The following RNF150 variants were observed in gnomAD, a reference collection of about 807,000 sequenced individuals.
RNF150 encodes ring finger protein 150.
In RNF150, 24 loss-of-function variants were observed where a neutral mutation model predicts 39.3. The observed-to-expected ratio is 0.61, with a 90% CI of 0.44 to 0.86. RNF150 has a LOEUF of 0.86. Among genes scored for constraint, RNF150 ranks in the 40% least tolerant of loss-of-function variants. RNF150 has a pLI of 0.00. For synonymous variants in RNF150, 255 were observed against 227.3 expected, an observed-to-expected ratio of 1.12 and a Z score of -1.10; for missense variants, 502 against 587.8, an observed-to-expected ratio of 0.85 and a Z score of 1.51.
In RNF150 at chr4:141,010,266, T is replaced by G. The variant is rs62326021; in HGVS notation, c.485-42393A>C. The stretch of plus-strand genomic sequence containing the variant: ...AAGCTGTAGTTGCCTTAGGGGATAT[T>G]AAGATCCTTACATTTTTTAACACAG... On this transcript the variant is annotated intron_variant, in intron 1 of 6. Transcript: ENST00000515673. 5.9e-3 allele frequency among the ~76,000 whole-genome samples: 900 copies of G among 152,346 alleles called. 8 individuals are homozygous for G. Among genetic ancestry groups the G allele is most frequent in the Middle Eastern group, 0.01 (3 of 294 alleles).
Position 140,916,511 on chromosome 4 carries a change from G to T in RNF150, c.988-5157C>A, listed in dbSNP as rs572017913. On this transcript the variant is annotated intron_variant, in intron 5 of 6. Transcript: ENST00000515673. ...GTTTAGAGAAAAAATAAAAAGAAAT[G>T]AACAAAGCCTCCAAGAAATATGGGA... Among the ~76,000 whole-genome samples the T allele has an allele frequency of 1.1e-4, 16 of 152,288 alleles. No homozygotes were observed. The East Asian group carries it at 2.3e-3, about 22-fold the overall frequency.
intron 1 of RNF150, among the ~76,000 whole-genome samples, chr4:140,975,076 C>T (rs1259170557): frequency 2.0e-5 from 3 of 151,886 alleles, no homozygotes; most frequent in Non-Finnish European, 2.9e-5. Context: ...GACAACACGG[C>T]GAAACCCTGC....
At chr4:140,899,943 T>TC (rs1297403198) in intron 6 of RNF150, among the ~76,000 whole-genome samples, 61 of 77,784 alleles carry the variant, frequency 7.8e-4, no homozygotes, top group East Asian at 5.5e-3. Flanking sequence ...TCTCTCTCAC[T>TC]TTCTCTCTCT....
At chr4:141,003,890 A>G (rs1160894642) in intron 1 of RNF150, among the ~76,000 whole-genome samples, 1 of 152,158 alleles carries the variant, frequency 6.6e-6, no homozygotes, top group Non-Finnish European at 1.5e-5. Context: ...GAATAGTACC[A>G]GCAGCTAAGA....
chr4:141,112,157 A>C (rs531786158), intron 1 of RNF150, among the ~76,000 whole-genome samples: 83 of 152,316 alleles, frequency 5.4e-4, no homozygotes, highest in Admixed American at 4.3e-3. Flanking sequence ...TGAGGACTAT[A>C]ATATACAGAA....
chr4:140,898,257 TAAC>T (rs2111243642), intron 6 of RNF150, among the ~76,000 whole-genome samples: 1 of 145,338 alleles, frequency 6.9e-6, no homozygotes, highest in South Asian at 2.3e-4. Context: ...TAGGTTCACT[TAAC>T]AAAAAAAATG....
At chr4:141,191,914 T>TGCCACTTTGG (rs35761700) in intron 1 of RNF150, among the ~76,000 whole-genome samples, 141,668 of 151,158 alleles carry the variant, frequency 0.94, 67,033 homozygotes, top group Non-Finnish European at 1. Context: ...TCATTTTTCC[T>TGCCACTTTGG]GCCACTTTGG....
chr4:140,938,599 A>G (rs1425466035), intron 4 of RNF150, among the ~76,000 whole-genome samples: 1 of 152,200 alleles, frequency 6.6e-6, no homozygotes, highest in Non-Finnish European at 1.5e-5. Context: ...GATGCTGTTA[A>G]TAAGACATTT....
At chr4:141,203,587 G>A (rs1728324109) in intron 1 of RNF150, among the ~76,000 whole-genome samples, 1 of 151,822 alleles carries the variant, frequency 6.6e-6, no homozygotes, top group African/African-American at 2.4e-5. Flanking sequence ...AAGGCACCAG[G>A]TCTGGGGAAG....
chr4:140,928,320 A>T (rs1215867876), intron 4 of RNF150, among the ~76,000 whole-genome samples: 1 of 151,950 alleles, frequency 6.6e-6, no homozygotes, highest in Non-Finnish European at 1.5e-5. Flanking sequence ...AGGGCTCCCT[A>T]ACAAAGTGAC....
chr4:141,169,578 A>G (rs940578357), intron 1 of RNF150, among the ~76,000 whole-genome samples: 1 of 152,216 alleles, frequency 6.6e-6, no homozygotes, highest in African/African-American at 2.4e-5. Flanking sequence ...TCCAAGAATC[A>G]CAATAAAAAG....
At chr4:141,186,458 G>A (rs1728014138) in intron 1 of RNF150, among the ~76,000 whole-genome samples, 2 of 152,098 alleles carry the variant, frequency 1.3e-5, no homozygotes, top group Admixed American at 1.3e-4. Flanking sequence ...GAGTGCAGTG[G>A]CACGATCTCG....
At chr4:141,075,646 T>C (rs190995987) in intron 1 of RNF150, among the ~76,000 whole-genome samples, 2 of 152,358 alleles carry the variant, frequency 1.3e-5, no homozygotes, top group East Asian at 3.9e-4. Context: ...TTCTACATCA[T>C]TTGAGTTGCA....
Position 140,862,994 on chromosome 4 carries a change from G to A in RNF150, c.*5267C>T, listed in dbSNP as rs1023577768. 1.2e-4 allele frequency: 19 copies of A among 152,042 alleles called. No individual in the cohort carries two copies. Among genetic ancestry groups the A allele is most frequent in the African/African-American group, 4.6e-4 (19 of 41,400 alleles). The allele number at this position is 152,042 out of a possible 1,614,324, so 9.4% of individuals were successfully genotyped here. On this transcript the variant is annotated 3_prime_UTR_variant, in exon 7 of 7. Transcript: ENST00000515673. The stretch of plus-strand genomic sequence containing the variant: ...TATTCATCCATGCAATGGCATGGAT[G>A]AAGGACCTCGGTGGCCAAGAGCACT...
chr4:140,923,213 C>T (rs1298862566), intron 5 of RNF150, among the ~76,000 whole-genome samples: 1 of 152,056 alleles, frequency 6.6e-6, no homozygotes, highest in East Asian at 1.9e-4. Context: ...ATTTTCGCAA[C>T]CTACTCATCT....
At chr4:140,971,806 G>T (rs1733477779) in intron 1 of RNF150, among the ~76,000 whole-genome samples, 1 of 152,088 alleles carries the variant, frequency 6.6e-6, no homozygotes, top group African/African-American at 2.4e-5. Context: ...TTCAAACCAG[G>T]TTGTTTAGAC....
chr4:140,876,887 A>G (rs1490572200), intron 6 of RNF150, among the ~76,000 whole-genome samples: 1 of 152,222 alleles, frequency 6.6e-6, no homozygotes, highest in East Asian at 1.9e-4. Flanking sequence ...TTCAGATATA[A>G]CTGACAGTTT....
intron 1 of RNF150, among the ~76,000 whole-genome samples, chr4:141,015,703 C>T (rs1735244603): frequency 6.6e-6 from 1 of 152,062 alleles, no homozygotes; most frequent in Non-Finnish European, 1.5e-5. Flanking sequence ...CAAATAGAGA[C>T]AATTTTCCTT....
At chr4:140,962,011 A>G (rs1733044711) in intron 2 of RNF150, among the ~76,000 whole-genome samples, 1 of 151,810 alleles carries the variant, frequency 6.6e-6, no homozygotes, top group Admixed American at 6.6e-5. Context: ...AGGCCCAAAA[A>G]TACAGGGATG....
Sources: gnomAD v4.1 joint callset for allele counts (sites outside exome capture counted in the v4.1 genomes callset) on GRCh38, gnomAD v4.1.1 for gene constraint, MANE v1.5 for transcripts, NCBI Gene and HGNC (gene_info 2026-07-23, HGNC 2026-07-21) for gene names.